NSD1: variants seen among roughly 807,000 people sequenced by gnomAD.
The protein encoded by NSD1 is histone-lysine N-methyltransferase, H3 lysine-36 specific.
In NSD1, 26 loss-of-function variants were observed where a neutral mutation model predicts 242.7. The observed-to-expected ratio is 0.11, with a 90% CI of 0.08 to 0.15. The LOEUF is 0.15. Ranked by LOEUF, NSD1 falls within the 10% of genes least tolerant of loss-of-function variation. NSD1 has a pLI of 1.00. For synonymous variants in NSD1, 1,106 were observed against 1,178.1 expected (o/e 0.94, Z 1.25); for missense variants, 2,495 against 3,272.8 (o/e 0.76, Z 5.80).
At chr5:177,270,159 T>A (rs1265804444) in intron 16 of NSD1, among the ~76,000 whole-genome samples, 1 of 149,464 alleles carries the variant, frequency 6.7e-6, no homozygotes, top group African/African-American at 2.5e-5. Flanking sequence ...CAAGGAGTCT[T>A]GTCTTGTCTT....
At chr5:177,253,534 TG>T (rs2149907507) in intron 12 of NSD1, among the ~76,000 whole-genome samples, 1 of 152,352 alleles carries the variant, frequency 6.6e-6, no homozygotes, top group Admixed American at 6.5e-5. Context: ...GATAGACATT[TG>T]GGTTGTTTCC....
At chr5:177,156,693 A>G (rs932043097) in intron 2 of NSD1, among the ~76,000 whole-genome samples, 1 of 152,204 alleles carries the variant, frequency 6.6e-6, no homozygotes. Flanking sequence ...ATTTTACATA[A>G]GAATTTTTTA....
chr5:177,288,741 T>A (rs1759540835), intron 20 of NSD1, 78 bp from the exon 21 acceptor site: 3 of 999,000 alleles, frequency 3.0e-6, no homozygotes, highest in Non-Finnish European at 4.8e-6. Flanking sequence ...CTCTTGGGAG[T>A]TGGTATCCTT....
At chr5:177,240,337 A>T (rs1364644366) in intron 8 of NSD1, among the ~76,000 whole-genome samples, 2 of 151,060 alleles carry the variant, frequency 1.3e-5, no homozygotes, top group Non-Finnish European at 1.5e-5. Context: ...TCACCAGTTA[A>T]TTTTTTGTCT....
chr5:177,194,277 TGAGACAG>T (rs1761922456), intron 3 of NSD1, among the ~76,000 whole-genome samples: 1 of 152,046 alleles, frequency 6.6e-6, no homozygotes, highest in Non-Finnish European at 1.5e-5. Context: ...TTTATTTTTC[TGAGACAG>T]GATCTCATTC....
chr5:177,167,980 A>G (rs561550761), intron 2 of NSD1, among the ~76,000 whole-genome samples: 48 of 152,268 alleles, frequency 3.2e-4, no homozygotes, highest in African/African-American at 1.0e-3. Context: ...ATAGAGTTCC[A>G]TATGAATTTG....
chr5:177,251,601 G>T, intron 11 of NSD1, 129 bp from the exon 12 acceptor site: 1 of 847,944 alleles, frequency 1.2e-6, no homozygotes. Context: ...TACAACTACG[G>T]GCCCTTGCCT....
In NSD1 at chr5:177,297,281, C is replaced by T. The variant is rs1760313939; in HGVS notation, c.*1822C>T. 4.3e-6 allele frequency: 1 copy of T among 231,458 alleles called. No individual in the cohort carries two copies. The highest frequency in any genetic ancestry group is 5.7e-5 in the Admixed American group (1 of 17,698). 14.3% of individuals were successfully genotyped at this position (231,458 alleles called of 1,614,324 possible). Reference sequence around the variant, plus strand: ...CTCCCCTTTCATCCTCTCTCTCTTCCCACATCATCAAAGAGGAAAAGCTCT... The same window carrying T: ...CTCCCCTTTCATCCTCTCTCTCTTCTCACATCATCAAAGAGGAAAAGCTCT... On this transcript the variant is annotated 3_prime_UTR_variant, in exon 23 of 23. Transcript: ENST00000439151.
At chr5:177,287,009 C>T (rs1181132523) in intron 20 of NSD1, among the ~76,000 whole-genome samples, 1 of 152,230 alleles carries the variant, frequency 6.6e-6, no homozygotes, top group Non-Finnish European at 1.5e-5. Flanking sequence ...GGGCCCTTCA[C>T]ATACCTGCAA....
chr5:177,146,810 T>C (rs938861266), intron 2 of NSD1, among the ~76,000 whole-genome samples: 6 of 151,372 alleles, frequency 4.0e-5, no homozygotes, highest in African/African-American at 1.5e-4. Flanking sequence ...TCGAGACCAG[T>C]CTGGCCAACA....
chr5:177,255,987 C>T (rs750672933), intron 12 of NSD1, among the ~76,000 whole-genome samples: 5 of 152,114 alleles, frequency 3.3e-5, no homozygotes, highest in Non-Finnish European at 7.4e-5. Flanking sequence ...CATTTTCTCC[C>T]TATATTTCAA....
intron 2 of NSD1, among the ~76,000 whole-genome samples, chr5:177,158,997 TTTA>T (rs1758457271): frequency 1.6e-5 from 1 of 63,334 alleles, no homozygotes; most frequent in South Asian, 8.9e-4. Flanking sequence ...TATGAATGAT[TTTA>T]TATATATATA....
At chr5:177,221,103 C>A (rs1436859989) in intron 5 of NSD1, 4 of 442,804 alleles carry the variant, frequency 9.0e-6, no homozygotes, top group Non-Finnish European at 1.8e-5. Flanking sequence ...GAACTCCTAG[C>A]CTGAAATGAT....
At chr5:177,254,476 T>C (rs1756259914) in intron 12 of NSD1, among the ~76,000 whole-genome samples, 1 of 150,828 alleles carries the variant, frequency 6.6e-6, no homozygotes, top group South Asian at 2.2e-4. Flanking sequence ...CTCAGCTAAC[T>C]GCAACCTCCA....
At chr5:177,241,415 G>A (rs1053140599) in intron 8 of NSD1, among the ~76,000 whole-genome samples, 4 of 151,750 alleles carry the variant, frequency 2.6e-5, no homozygotes, top group East Asian at 1.9e-4. Context: ...TGAGACAGGA[G>A]AATTGCTGGA....
intron 2 of NSD1, among the ~76,000 whole-genome samples, chr5:177,147,490 A>T (rs1444573817): frequency 6.6e-6 from 1 of 152,164 alleles, no homozygotes; most frequent in Non-Finnish European, 1.5e-5. Context: ...GATAAACATG[A>T]GTCATACAGT....
At chr5:177,248,382 C>G (rs1417295871) in intron 11 of NSD1, 58 bp downstream of exon 11, 1 of 1,556,898 alleles carries the variant, frequency 6.4e-7, no homozygotes, top group Non-Finnish European at 8.8e-7. Flanking sequence ...AAAGGGAAAC[C>G]CACTCCATCT....
intron 2 of NSD1, among the ~76,000 whole-genome samples, chr5:177,157,086 G>A (rs1758200454): frequency 6.6e-6 from 1 of 152,106 alleles, no homozygotes; most frequent in Non-Finnish European, 1.5e-5. Context: ...TCAAAGTATA[G>A]GCCGGGTACG....
chr5:177,203,655 AC>A lies in NSD1; in HGVS notation c.1064-464del, dbSNP rs1335740024. 6.6e-5 allele frequency among the ~76,000 whole-genome samples: 10 copies of A among 152,182 alleles called. No homozygotes were observed. The East Asian group carries it at 1.9e-3, about 29-fold the overall frequency. On this transcript the variant is annotated intron_variant, in intron 3 of 22. Coordinates refer to ENST00000439151, the MANE Select transcript of NSD1 (RefSeq NM_022455.5). Reference sequence around the variant, plus strand: ...TACACTATAAATGTTAACAGATCATACATGTTGCTTTGCTGAAACATTTCTT... The same window carrying A: ...TACACTATAAATGTTAACAGATCATAATGTTGCTTTGCTGAAACATTTCTT...
Sources: allele counts gnomAD v4.1 joint callset (sites outside exome capture counted in the v4.1 genomes callset), GRCh38; gene constraint gnomAD v4.1.1; transcripts MANE v1.5; gene names NCBI Gene and HGNC (gene_info 2026-07-23, HGNC 2026-07-21).